The following KIF26B variants were observed in gnomAD, a reference collection of about 807,000 sequenced individuals.
The protein encoded by KIF26B is kinesin family member 26B, also known as kinesin-like protein KIF26B.
Under a neutral mutation model 151.2 loss-of-function variants are expected in KIF26B, and 63 were observed. That is an observed-to-expected ratio of 0.42 (90% CI 0.34 to 0.51). The LOEUF (loss-of-function observed/expected upper bound fraction) is 0.51. Among genes scored for constraint, KIF26B ranks in the 20% least tolerant of loss-of-function variants. The pLI, the probability that KIF26B is intolerant of heterozygous loss-of-function variation, is 0.07. For missense variants in KIF26B, 2,813 were observed against 2,913.6 expected (o/e 0.97, Z 0.79); for synonymous variants, 1,357 against 1,262.1 (o/e 1.08, Z -1.59).
At chr1:245,329,097 T>G (rs1572006420) in intron 2 of KIF26B, among the ~76,000 whole-genome samples, 1 of 151,976 alleles carries the variant, frequency 6.6e-6, no homozygotes, top group East Asian at 1.9e-4. Context: ...CGCAAAGAGG[T>G]CGTATGTTTG....
At chr1:245,255,395 A>G (rs906303747) in intron 2 of KIF26B, among the ~76,000 whole-genome samples, 10 of 152,230 alleles carry the variant, frequency 6.6e-5, no homozygotes, top group Non-Finnish European at 1.5e-4. Flanking sequence ...GTCTCTGAAC[A>G]TTCCTGTTGA....
At chr1:245,588,528 C>T (rs1241644883) in intron 5 of KIF26B, among the ~76,000 whole-genome samples, 1 of 152,202 alleles carries the variant, frequency 6.6e-6, no homozygotes, top group Non-Finnish European at 1.5e-5. Context: ...CCGTCCTTCA[C>T]TTCACCCAGG....
intron 3 of KIF26B, among the ~76,000 whole-genome samples, chr1:245,382,914 T>A (rs1673446097): frequency 1.3e-5 from 2 of 149,828 alleles, no homozygotes; most frequent in Admixed American, 6.7e-5. Flanking sequence ...TGTATATATA[T>A]AAATTATTTT....
At chr1:245,322,148 C>T (rs1199660369) in intron 2 of KIF26B, among the ~76,000 whole-genome samples, 1 of 152,108 alleles carries the variant, frequency 6.6e-6, no homozygotes, top group South Asian at 2.1e-4. Flanking sequence ...CGCATGTTCT[C>T]GCTCATAAGT....
chr1:245,171,082 T>C (rs980733748), intron 2 of KIF26B, among the ~76,000 whole-genome samples: 1 of 152,156 alleles, frequency 6.6e-6, no homozygotes, highest in African/African-American at 2.4e-5. Context: ...CTGGTTTTGA[T>C]CTTTTGGTGA....
At chr1:245,366,530 C>CA (rs77845227) in intron 2 of KIF26B, among the ~76,000 whole-genome samples, 63 of 104,486 alleles carry the variant, frequency 6.0e-4, no homozygotes, top group South Asian at 1.1e-3. Flanking sequence ...GACTCCATCT[C>CA]AAAAAAAAAA....
chr1:245,359,097 C>A (rs1240269391), intron 2 of KIF26B, among the ~76,000 whole-genome samples: 1 of 152,034 alleles, frequency 6.6e-6, no homozygotes, highest in Non-Finnish European at 1.5e-5. Context: ...CGGCTCACTG[C>A]AGCCTCCGCC....
chr1:245,408,281 G>A (rs1262502074), intron 3 of KIF26B, among the ~76,000 whole-genome samples: 1 of 151,328 alleles, frequency 6.6e-6, no homozygotes, highest in African/African-American at 2.4e-5. Context: ...GATAGAGAGA[G>A]CCTATTGTGC....
Position 245,572,884 on chromosome 1 carries a change from G to C in KIF26B, c.1351-29693G>C, listed in dbSNP as rs2043078674. On this transcript the variant is annotated intron_variant, in intron 5 of 14. Coordinates refer to ENST00000407071, the MANE Select transcript of KIF26B (RefSeq NM_018012.4). The surrounding 1 kb of genome is among the most constrained non-coding windows in gnomAD (Gnocchi z 4.2). ...GCGTCCTCTGTTGGCAAGGGCACCT[G>C]TCCCAAGCAGAAATGGAGAAACACG... Among the ~76,000 whole-genome samples, 1 of 152,110 alleles carries C rather than the reference G, an allele frequency of 6.6e-6. No homozygotes were observed.
chr1:245,466,040 A>T (rs1659783453), intron 4 of KIF26B, among the ~76,000 whole-genome samples: 1 of 152,358 alleles, frequency 6.6e-6, no homozygotes, highest in Admixed American at 6.5e-5. Flanking sequence ...CAGTACGAGC[A>T]TCTCATGAAA....
chr1:245,476,894 A>G (rs986627933), intron 4 of KIF26B, among the ~76,000 whole-genome samples: 2 of 151,770 alleles, frequency 1.3e-5, no homozygotes, highest in Admixed American at 6.6e-5. Flanking sequence ...ATGCACCCCC[A>G]TAGTTCAAAG....
chr1:245,359,678 TACTTCCCTCCCTC>T (rs2103005315), intron 2 of KIF26B, among the ~76,000 whole-genome samples: 2 of 150,636 alleles, frequency 1.3e-5, no homozygotes, highest in East Asian at 2.0e-4. Context: ...CTCCTTTCCT[TACTTCCCTCCCTC>T]CCTTCCCTCC....
intron 5 of KIF26B, among the ~76,000 whole-genome samples, chr1:245,596,210 CTGTT>C (rs1041894172): frequency 4.6e-5 from 7 of 151,990 alleles, no homozygotes; most frequent in African/African-American, 1.7e-4. Flanking sequence ...GCTTTTGAAT[CTGTT>C]TGCTCTTGCT....
At chr1:245,302,968 A>G (rs12095786) in intron 2 of KIF26B, among the ~76,000 whole-genome samples, 36,026 of 135,372 alleles carry the variant, frequency 0.27, 5,082 homozygotes, top group Admixed American at 0.36. Flanking sequence ...CAGCCTGGGC[A>G]ATAGAGCAAG....
At chr1:245,625,711 G>C (rs79382076) in intron 9 of KIF26B, among the ~76,000 whole-genome samples, 4,643 of 151,792 alleles carry the variant, frequency 0.031, 101 homozygotes, top group Middle Eastern at 0.054. Flanking sequence ...CAAACACTAC[G>C]GCTTCCTCCT....
At chr1:245,345,854 A>G (rs894552420) in intron 2 of KIF26B, among the ~76,000 whole-genome samples, 1 of 151,700 alleles carries the variant, frequency 6.6e-6, no homozygotes, top group Non-Finnish European at 1.5e-5. Flanking sequence ...CTTCCTGGAC[A>G]GCCTGTAGAA....
intron 4 of KIF26B, among the ~76,000 whole-genome samples, chr1:245,485,188 G>A (rs931706748): frequency 2.0e-5 from 3 of 152,106 alleles, no homozygotes; most frequent in Non-Finnish European, 2.9e-5. Context: ...GACAGAAATA[G>A]TGATTACCAG....
At chr1:245,255,304 C>T (rs140591234) in intron 2 of KIF26B, among the ~76,000 whole-genome samples, 1 of 152,326 alleles carries the variant, frequency 6.6e-6, no homozygotes, top group Non-Finnish European at 1.5e-5. Flanking sequence ...CATGGGCCAA[C>T]ACACCCTCTA....
In KIF26B at chr1:245,540,721, T is replaced by C. The variant is rs759767982; in HGVS notation, c.1167-46T>C. The C allele has an allele frequency of 1.7e-5, 26 of 1,533,158 alleles. No homozygotes were observed. Among genetic ancestry groups the C allele is most frequent in the South Asian group, 1.1e-5 (1 of 89,464 alleles). 95.0% of individuals were successfully genotyped at this position (1,533,158 alleles called of 1,614,324 possible). On this transcript the variant is annotated intron_variant, in intron 4 of 14. Coordinates refer to ENST00000407071, the MANE Select transcript of KIF26B (RefSeq NM_018012.4). The surrounding 1 kb of genome is among the most constrained non-coding windows in gnomAD (Gnocchi z 4.6). The stretch of plus-strand genomic sequence containing the variant: ...GAAAACGAAGTAAGCCTAGCAGATC[T>C]GATCGTACAATCATTTTCCCCTTAT...
Sources: gnomAD v4.1 joint callset for allele counts (sites outside exome capture counted in the v4.1 genomes callset) on GRCh38, gnomAD v4.1.1 for gene constraint, Gnocchi (gnomAD v3.1) non-coding constraint, MANE v1.5 for transcripts, NCBI Gene and HGNC (gene_info 2026-07-23, HGNC 2026-07-21) for gene names.